RTKN2: variants seen among roughly 807,000 people sequenced by gnomAD.
The protein encoded by RTKN2 is rhotekin-2.
Under a neutral mutation model 71.5 loss-of-function variants are expected in RTKN2, and 69 were observed. The observed-to-expected ratio is 0.96, with a 90% confidence interval of 0.79 to 1.18. The LOEUF (loss-of-function observed/expected upper bound fraction) is 1.18, where lower values mean the gene tolerates loss of function less well. RTKN2 is among the 50% of genes most tolerant of loss of function. The probability of loss-of-function intolerance (pLI) is 0.00; values close to 1 mark genes in which losing one functional copy is unlikely to be tolerated. For synonymous variants in RTKN2, 236 were observed against 236.5 expected, an observed-to-expected ratio of 1.00 and a Z score of 0.02; for missense variants, 724 against 719.7, an observed-to-expected ratio of 1.01 and a Z score of -0.07.
intron 2 of RTKN2, among the ~76,000 whole-genome samples, chr10:62,250,108 G>A (rs1842551264): frequency 6.6e-6 from 1 of 152,190 alleles, no homozygotes; most frequent in Admixed American, 6.5e-5. Context: ...GTCAAAACCA[G>A]CTTGTAGAAG....
At chr10:62,236,303 A>C (rs372549888) in intron 5 of RTKN2, 40 bp from the exon 6 acceptor site, 1 of 1,303,036 alleles carries the variant, frequency 7.7e-7, no homozygotes, top group Non-Finnish European at 1.1e-6. Flanking sequence ...AATTTAACTC[A>C]GTAGAAAATA....
rs560051778 is a variant in RTKN2, at chr10:62,193,625, C to A, written c.*4283G>T. On this transcript the variant is annotated 3_prime_UTR_variant, in exon 12 of 12. Transcript: ENST00000373789. ...CAGGATTGCTCATTTCTCTCCCCCA[C>A]TCTGAGGCGCTCTGCAGGAATAAAG... 2.0e-6 allele frequency: 2 copies of A among 985,330 alleles called. No individual in the cohort carries two copies. Among genetic ancestry groups the A allele is most frequent in the East Asian group, 1.1e-4 (1 of 8,816 alleles). The allele number at this position is 985,330 out of a possible 1,614,324, so 61.0% of individuals were successfully genotyped here. A position where few individuals can be genotyped will look rare whatever the true frequency, so the allele number is the denominator to read the frequency against.
chr10:62,262,157 A>G (rs1842785797), intron 2 of RTKN2, among the ~76,000 whole-genome samples: 1 of 152,162 alleles, frequency 6.6e-6, no homozygotes, highest in Non-Finnish European at 1.5e-5. Context: ...TCTGGGACTT[A>G]TGTTCACCAT....
At chr10:62,200,140 G>C (rs898624403) in intron 10 of RTKN2, among the ~76,000 whole-genome samples, 1 of 152,018 alleles carries the variant, frequency 6.6e-6, no homozygotes, top group East Asian at 1.9e-4. Flanking sequence ...TAGGTGGGCA[G>C]ATCACCTGAG....
At chr10:62,210,386 G>A (rs955980539) in intron 9 of RTKN2, among the ~76,000 whole-genome samples, 2 of 151,934 alleles carry the variant, frequency 1.3e-5, no homozygotes, top group African/African-American at 2.4e-5. Context: ...GAGTACACAT[G>A]GGTTCATTTA....
intron 11 of RTKN2, among the ~76,000 whole-genome samples, chr10:62,199,263 T>C (rs1346818321): frequency 1.3e-5 from 2 of 152,200 alleles, no homozygotes; most frequent in African/African-American, 4.8e-5. Context: ...GTGTGGGAAA[T>C]TGAATATTAG....
chr10:62,253,483 C>G (rs1235018454), intron 2 of RTKN2, among the ~76,000 whole-genome samples: 9 of 152,116 alleles, frequency 5.9e-5, no homozygotes, highest in Non-Finnish European at 1.0e-4. Context: ...GTCATTAACA[C>G]AGATCTTTCG....
At chr10:62,222,076 G>A (rs1841920418) in intron 7 of RTKN2, among the ~76,000 whole-genome samples, 2 of 152,150 alleles carry the variant, frequency 1.3e-5, no homozygotes, top group Admixed American at 6.6e-5. Context: ...TAGGGTAACT[G>A]AGGGAAAGGA....
At chr10:62,188,314 G>C (rs150548530), downstream of RTKN2, among the ~76,000 whole-genome samples, 104 of 152,258 alleles carry the variant, frequency 6.8e-4, no homozygotes, top group Middle Eastern at 3.4e-3. Context: ...TCCCGGGACT[G>C]TCTGAGTATA....
chr10:62,213,401 T>C lies in RTKN2; in HGVS notation c.1020+3717A>G, dbSNP rs866593912. ...CGACCATAAAATATTCTAATAAAAA[T>C]ATTTTACATAAATACAATCAAGCCT... On this transcript the variant is annotated intron_variant, in intron 9 of 11. Coordinates refer to ENST00000373789, the MANE Select transcript of RTKN2 (RefSeq NM_145307.4). Among the ~76,000 whole-genome samples, 7 of 152,198 alleles carry C rather than the reference T, an allele frequency of 4.6e-5. No homozygotes were observed. In the South Asian group the frequency reaches 6.2e-4, roughly 14 times the overall value.
chr10:62,258,024 A>T (rs540580039), intron 2 of RTKN2, among the ~76,000 whole-genome samples: 1 of 152,348 alleles, frequency 6.6e-6, no homozygotes, highest in East Asian at 1.9e-4. Context: ...CAACTTAGAA[A>T]AAAGTTTTTG....
intron 6 of RTKN2, among the ~76,000 whole-genome samples, chr10:62,227,909 C>T (rs1446794071): frequency 6.6e-6 from 1 of 152,080 alleles, no homozygotes. Flanking sequence ...AAAGACATCT[C>T]CAAGGCTTCT....
intron 2 of RTKN2, among the ~76,000 whole-genome samples, chr10:62,254,529 AAGTAATTTTTG>A (rs1207558557): frequency 6.6e-6 from 1 of 152,228 alleles, no homozygotes; most frequent in Non-Finnish European, 1.5e-5. Context: ...CAATTATTTC[AAGTAATTTTTG>A]AGTACTCTCC....
Position 62,198,060 on chromosome 10 carries a change from G to T in RTKN2, c.1678C>A (p.Arg560=). 6.2e-7 allele frequency: 1 copy of T among 1,614,028 alleles called. No individual in the cohort carries two copies. The highest frequency in any genetic ancestry group is 8.5e-7 in the Non-Finnish European group (1 of 1,179,952). Residue 560 remains arginine (R), a synonymous_variant, in exon 12 of 12, where the codon CGA becomes AGA. Transcript: ENST00000373789. ...TTTCTCCTGGCAGGCAGAAGTTTTCGAGGAGCAGCCATTGGTTTCTGTAAG... is the reference window on the plus strand; with the variant it reads ...TTTCTCCTGGCAGGCAGAAGTTTTCTAGGAGCAGCCATTGGTTTCTGTAAG... The part of the protein sequence containing the change: ...HHLQKPMAAP[R]KLLPARRNRL...
In RTKN2 at chr10:62,262,800, T is replaced by C. The variant is rs760774767; in HGVS notation, c.82A>G (p.Ile28Val). 1.2e-6 allele frequency: 2 copies of C among 1,607,156 alleles called. No individual in the cohort carries two copies. Among genetic ancestry groups the C allele is most frequent in the Non-Finnish European group, 1.7e-6 (2 of 1,177,492 alleles). The change falls in exon 2 of 12, where the codon ATA (isoleucine) becomes GTA (valine). Residue 28 changes from isoleucine (I) to valine (V), a missense_variant. Physicochemically the swap from Ile to Val is conservative, Grantham distance 29 (BLOSUM62 3). Transcript: ENST00000373789. Reference sequence around the variant, plus strand: ...TCTCGCATTCGAATTTCTAAGTCTATTTTTTCTTGAATGTTGCAGTCCTAA... The same window carrying C: ...TCTCGCATTCGAATTTCTAAGTCTACTTTTTCTTGAATGTTGCAGTCCTAA... Reference protein sequence around the residue: ...TQQDCNIQEKIDLEIRMREGI... With the variant: ...TQQDCNIQEKVDLEIRMREGI...
chr10:62,254,325 G>A (rs114990999), intron 2 of RTKN2, among the ~76,000 whole-genome samples: 2,951 of 152,110 alleles, frequency 0.019, 85 homozygotes, highest in African/African-American at 0.067. Context: ...CCATTAGTTC[G>A]CTCGCTCTTC....
intron 6 of RTKN2, among the ~76,000 whole-genome samples, chr10:62,227,268 G>A (rs1449713880): frequency 6.6e-6 from 1 of 152,128 alleles, no homozygotes; most frequent in East Asian, 1.9e-4. Flanking sequence ...TCAAGCCCAT[G>A]AAGCTAAGTA....
At chr10:62,207,009 T>C (rs190076570) in intron 9 of RTKN2, among the ~76,000 whole-genome samples, 94 of 152,102 alleles carry the variant, frequency 6.2e-4, no homozygotes, top group African/African-American at 1.7e-3. Context: ...AAACCCTCTA[T>C]TGTGTTACAA....
chr10:62,218,317 A>T lies in RTKN2; in HGVS notation c.782-16T>A. ...GAAGACTCCTCTATTTAAAGGAGAA[A>T]GAAAAAAAAAAATCAAGTTATAAAT... On this transcript the variant is annotated splice_polypyrimidine_tract_variant and intron_variant, in intron 7 of 11. Transcript: ENST00000373789. The T allele has an allele frequency of 7.1e-7, 1 of 1,408,106 alleles. No homozygotes were observed. The allele number at this position is 1,408,106 out of a possible 1,614,324, so 87.2% of individuals were successfully genotyped here.
Sources: allele counts gnomAD v4.1 joint callset (sites outside exome capture counted in the v4.1 genomes callset), GRCh38; gene constraint gnomAD v4.1.1; transcripts MANE v1.5; gene names NCBI Gene and HGNC (gene_info 2026-07-23, HGNC 2026-07-21).